Variants in ELMO1 observed in about 807,000 individuals in gnomAD.
ELMO1 encodes engulfment and cell motility 1.
A neutral mutation model predicts 98.9 loss-of-function variants in ELMO1; 26 were observed. That is an observed-to-expected ratio of 0.26 (90% CI 0.19 to 0.36). The LOEUF (loss-of-function observed/expected upper bound fraction) is 0.36. Among genes scored for constraint, ELMO1 ranks in the 10% least tolerant of loss-of-function variants. The pLI, the probability that ELMO1 is intolerant of heterozygous loss-of-function variation, is 1.00. For missense variants in ELMO1, 627 were observed against 935.2 expected (o/e 0.67, Z 4.30); for synonymous variants, 346 against 346.0 (o/e 1.00, Z 0.00).
Position 37,342,717 on chromosome 7 carries a change from A to G in ELMO1, c.-27T>C. ...GTAAGTCCCCAAAATGTTCAAAGCC[A>G]GTGGGAATGAGGATCCTACAGCGTA... On this transcript the variant is annotated 5_prime_UTR_variant, in exon 2 of 22. Transcript: ENST00000310758. The surrounding 1 kb of genome is among the most constrained non-coding windows in gnomAD (Gnocchi z 4.3). The G allele has an allele frequency of 1.3e-6, 2 of 1,594,784 alleles. No individual in the cohort carries two copies. The highest frequency in any genetic ancestry group is 1.7e-6 in the Non-Finnish European group (2 of 1,170,138).
At chr7:37,425,858 G>A (rs1169091257) in intron 1 of ELMO1, among the ~76,000 whole-genome samples, 1 of 152,182 alleles carries the variant, frequency 6.6e-6, no homozygotes, top group East Asian at 1.9e-4. Flanking sequence ...GAACTTCTCA[G>A]GGGATGTCCT....
intron 16 of ELMO1, among the ~76,000 whole-genome samples, chr7:37,001,624 G>C: frequency 6.6e-6 from 1 of 152,168 alleles, no homozygotes; most frequent in South Asian, 2.1e-4. Flanking sequence ...AAGGGAGATG[G>C]TAACTATCTT....
chr7:37,211,342 G>C (rs370728076), intron 13 of ELMO1, 44 bp downstream of exon 13: 3 of 1,612,662 alleles, frequency 1.9e-6, no homozygotes, highest in South Asian at 1.1e-5. Context: ...GGTCAGGCCC[G>C]GGGAGGCTGG....
At position 37,181,890 on chromosome 7, in the gene ELMO1, A is replaced by C. The variant is rs1790883549; in HGVS notation, c.1086+29496T>G. Among the ~76,000 whole-genome samples the C allele has an allele frequency of 1.3e-5, 2 of 152,248 alleles. 1 individual carries two copies. The highest frequency in any genetic ancestry group is 4.1e-4 in the South Asian group (2 of 4,834). ...TTACTGCATCCCTAGCAAAGGAAATAGTTATTTTCTCAGTAGAGAAAAGAA... is the reference window on the plus strand; with the variant it reads ...TTACTGCATCCCTAGCAAAGGAAATCGTTATTTTCTCAGTAGAGAAAAGAA... On this transcript the variant is annotated intron_variant, in intron 13 of 21. Coordinates refer to ENST00000310758, the MANE Select transcript of ELMO1 (RefSeq NM_014800.11).
intron 1 of ELMO1, among the ~76,000 whole-genome samples, chr7:37,370,303 T>C (rs953431146): frequency 4.6e-5 from 7 of 152,128 alleles, no homozygotes; most frequent in African/African-American, 1.7e-4. Flanking sequence ...TTGGGGCCCA[T>C]TCATTTACGG....
At chr7:36,969,336 T>A (rs1437301627) in intron 16 of ELMO1, among the ~76,000 whole-genome samples, 1 of 152,200 alleles carries the variant, frequency 6.6e-6, no homozygotes, top group African/African-American at 2.4e-5. Flanking sequence ...AGTAATAGTG[T>A]AATGAATGTC....
At chr7:37,265,873 T>C (rs1285741413) in intron 5 of ELMO1, among the ~76,000 whole-genome samples, 2 of 152,118 alleles carry the variant, frequency 1.3e-5, no homozygotes, top group Non-Finnish European at 2.9e-5. Flanking sequence ...GGCTTCCTAG[T>C]TAACAGCACG....
At position 37,423,430 on chromosome 7, in the gene ELMO1, A is replaced by T. The variant is rs577701711; in HGVS notation, c.-74+25245T>A. Among the ~76,000 whole-genome samples the T allele has an allele frequency of 2.6e-5, 4 of 152,254 alleles. No homozygotes were observed. In the South Asian group the frequency reaches 6.2e-4, roughly 24 times the overall value. On this transcript the variant is annotated intron_variant, in intron 1 of 21. Transcript: ENST00000310758. ...GCCCATCTCTACTAAAAATACAAAA[A>T]TTAGCCAGGCGCAGCGGTGGCTGCC...
At chr7:36,930,418 C>T (rs1045441878) in intron 16 of ELMO1, among the ~76,000 whole-genome samples, 12 of 152,180 alleles carry the variant, frequency 7.9e-5, no homozygotes, top group African/African-American at 2.9e-4. Context: ...CATGCAATTC[C>T]CTCAAATGAA....
chr7:36,922,701 G>C (rs1175400058), intron 16 of ELMO1, among the ~76,000 whole-genome samples: 1 of 152,190 alleles, frequency 6.6e-6, no homozygotes, highest in Non-Finnish European at 1.5e-5. Context: ...GGGGCATGGT[G>C]GCTGAGTTCC....
intron 15 of ELMO1, among the ~76,000 whole-genome samples, chr7:37,095,007 C>T (rs536519221): frequency 4.9e-4 from 74 of 152,286 alleles, no homozygotes; most frequent in Middle Eastern, 6.8e-3. Flanking sequence ...TAGCTGGGCA[C>T]GGCATGTCAT....
intron 1 of ELMO1, among the ~76,000 whole-genome samples, chr7:37,366,840 G>C (rs80067358): frequency 0.081 from 12,275 of 152,238 alleles, 621 homozygotes; most frequent in Middle Eastern, 0.12. Context: ...ATCAATCACT[G>C]AGTTTGGAGA....
chr7:37,130,448 G>A (rs1348822425), intron 14 of ELMO1, among the ~76,000 whole-genome samples: 2 of 152,118 alleles, frequency 1.3e-5, no homozygotes, highest in African/African-American at 2.4e-5. Context: ...TAAGAGCAAC[G>A]GTCAGCAACA....
chr7:37,160,578 C>T (rs961440640), intron 13 of ELMO1, among the ~76,000 whole-genome samples: 1 of 152,126 alleles, frequency 6.6e-6, no homozygotes, highest in Non-Finnish European at 1.5e-5. Context: ...TTTAAAGCTG[C>T]CATAGGTACT....
chr7:36,930,839 C>A (rs1282135535), intron 16 of ELMO1, among the ~76,000 whole-genome samples: 1 of 152,208 alleles, frequency 6.6e-6, no homozygotes, highest in East Asian at 1.9e-4. Flanking sequence ...GTGAGAAAGA[C>A]ATGCTTCCTC....
intron 2 of ELMO1, among the ~76,000 whole-genome samples, chr7:37,338,586 G>A (rs1164065401): frequency 6.6e-6 from 1 of 152,172 alleles, no homozygotes; most frequent in East Asian, 1.9e-4. Flanking sequence ...AGGTTTAAAT[G>A]TCCTTGGAGC....
intron 15 of ELMO1, among the ~76,000 whole-genome samples, chr7:37,067,911 A>T (rs1156892617): frequency 2.0e-5 from 3 of 152,208 alleles, no homozygotes; most frequent in Non-Finnish European, 4.4e-5. Flanking sequence ...TAGGCGAGCT[A>T]TTCTCACTCA....
At chr7:36,912,856 A>C (rs963527433) in intron 16 of ELMO1, among the ~76,000 whole-genome samples, 1 of 152,226 alleles carries the variant, frequency 6.6e-6, no homozygotes, top group Non-Finnish European at 1.5e-5. Context: ...AAAGTGTTGA[A>C]AAGAATTTTT....
rs187924325 is a variant in ELMO1, at chr7:37,140,172, G to A, written c.1087-6938C>T. On this transcript the variant is annotated intron_variant, in intron 13 of 21. Transcript: ENST00000310758. ...GGGCAGATCACGAGGTCAGGAGAGC[G>A]AGACCATCCTGGCTAACATGATGAA... Among the ~76,000 whole-genome samples, 341 of 150,776 alleles carry A rather than the reference G, an allele frequency of 2.3e-3. 1 individual carries two copies. Among genetic ancestry groups the A allele is most frequent in the African/African-American group, 7.7e-3 (317 of 40,942 alleles).
Sources: gnomAD v4.1 joint callset for allele counts (sites outside exome capture counted in the v4.1 genomes callset) on GRCh38, gnomAD v4.1.1 for gene constraint, Gnocchi (gnomAD v3.1) non-coding constraint, MANE v1.5 for transcripts, NCBI Gene and HGNC (gene_info 2026-07-23, HGNC 2026-07-21) for gene names.